The following PRELID2 variants were observed in gnomAD, a reference collection of about 807,000 sequenced individuals.
PRELID2 encodes PRELI domain containing 2.
PRELID2 carries 25 observed loss-of-function variants against 28.4 expected under a neutral mutation model. That is an observed-to-expected ratio of 0.88 (90% CI 0.64 to 1.23). The LOEUF (loss-of-function observed/expected upper bound fraction) is 1.23. Among genes scored for constraint, PRELID2 ranks in the 50% most tolerant of loss-of-function variants. PRELID2 has a pLI of 0.00. For synonymous variants in PRELID2, 76 were observed against 71.6 expected (o/e 1.06, Z -0.31); for missense variants, 201 against 214.4 (o/e 0.94, Z 0.39).
the PRELID2 span, among the ~76,000 whole-genome samples, chr5:145,341,767 T>C: frequency 1.3e-5 from 2 of 150,562 alleles, no homozygotes; most frequent in African/African-American, 4.9e-5. Context: ...GACAACATAA[T>C]GCAACCAAAT....
chr5:145,560,582 A>G (rs1041231167), intron 1 of PRELID2, among the ~76,000 whole-genome samples: 1 of 152,222 alleles, frequency 6.6e-6, no homozygotes, highest in Non-Finnish European at 1.5e-5. Flanking sequence ...TTGCTTCTGC[A>G]AAGTCTGGCA....
the PRELID2 span, chr5:145,437,360 G>A: frequency 6.6e-6 from 1 of 152,166 alleles, no homozygotes; most frequent in South Asian, 2.1e-4. Flanking sequence ...CAATGCTCCA[G>A]TGACTGAAGG....
intron 1 of PRELID2, among the ~76,000 whole-genome samples, chr5:145,589,469 A>AT (rs60927439): frequency 6.6e-6 from 1 of 151,812 alleles, no homozygotes; most frequent in Admixed American, 6.6e-5. Flanking sequence ...GAATATCATC[A>AT]TTTTTTTTCT....
intron 1 of PRELID2, among the ~76,000 whole-genome samples, chr5:145,733,946 T>C (rs1191318767): frequency 6.6e-6 from 1 of 152,034 alleles, no homozygotes; most frequent in African/African-American, 2.4e-5. Context: ...AAAAGAGAAG[T>C]GGAGATCCAG....
chr5:145,258,069 C>T, the PRELID2 span, among the ~76,000 whole-genome samples: 1 of 152,136 alleles, frequency 6.6e-6, no homozygotes, highest in African/African-American at 2.4e-5. Context: ...TCTTTGCCTT[C>T]CATAATTAGA....
At chr5:145,304,380 A>T in the PRELID2 span, among the ~76,000 whole-genome samples, 3 of 152,292 alleles carry the variant, frequency 2.0e-5, no homozygotes, top group African/African-American at 7.2e-5. Flanking sequence ...TTTATTTATA[A>T]TCTCACTTTC....
At chr5:145,460,011 A>G in the PRELID2 span, among the ~76,000 whole-genome samples, 34 of 152,136 alleles carry the variant, frequency 2.2e-4, no homozygotes, top group Non-Finnish European at 4.4e-4. Flanking sequence ...GGGTTTCACC[A>G]TATTGGCCAG....
the PRELID2 span, chr5:145,450,817 G>A: frequency 6.6e-6 from 1 of 152,158 alleles, no homozygotes. Context: ...TACTGAGAAT[G>A]AATTTTGAAA....
At chr5:145,430,424 C>T in the PRELID2 span, among the ~76,000 whole-genome samples, 1 of 152,142 alleles carries the variant, frequency 6.6e-6, no homozygotes, top group Non-Finnish European at 1.5e-5. Context: ...TCTCAGGCTA[C>T]CACACTGAGG....
intron 1 of PRELID2, among the ~76,000 whole-genome samples, chr5:145,476,422 A>T (rs543267759): frequency 1.3e-5 from 2 of 152,204 alleles, no homozygotes; most frequent in Non-Finnish European, 2.9e-5. Context: ...AGGCTGGTGG[A>T]TCACCTAAGT....
chr5:145,744,298 C>A (rs1008325275), intron 1 of PRELID2, among the ~76,000 whole-genome samples: 1 of 152,218 alleles, frequency 6.6e-6, no homozygotes, highest in Non-Finnish European at 1.5e-5. Context: ...GGAATCTGGG[C>A]AGACCAGACG....
intron 1 of PRELID2, among the ~76,000 whole-genome samples, chr5:145,824,060 A>C (rs1189833918): frequency 6.6e-6 from 1 of 152,052 alleles, no homozygotes; most frequent in African/African-American, 2.4e-5. Context: ...CCTACCACCA[A>C]ATCACCTAAG....
the PRELID2 span, among the ~76,000 whole-genome samples, chr5:145,363,105 C>A: frequency 3.6e-5 from 5 of 137,236 alleles, no homozygotes; most frequent in Non-Finnish European, 6.2e-5. Flanking sequence ...AGCCACATAT[C>A]ATGGCTATAA....
the PRELID2 span, among the ~76,000 whole-genome samples, chr5:145,359,255 G>GTT: frequency 1.8e-4 from 28 of 152,178 alleles, no homozygotes; most frequent in Non-Finnish European, 1.5e-5. Flanking sequence ...TCAATACTCT[G>GTT]GATAGTATAT....
chr5:145,650,155 G>GT (rs552274029), intron 1 of PRELID2, among the ~76,000 whole-genome samples: 155 of 151,552 alleles, frequency 1.0e-3, no homozygotes, highest in African/African-American at 3.6e-3. Context: ...AAACTTTAAA[G>GT]TTTTACTAAG....
At chr5:145,272,174 C>T in the PRELID2 span, among the ~76,000 whole-genome samples, 34 of 152,202 alleles carry the variant, frequency 2.2e-4, no homozygotes, top group African/African-American at 7.9e-4. Context: ...ACACACACTC[C>T]ACCTCTGAGC....
intron 1 of PRELID2, among the ~76,000 whole-genome samples, chr5:145,625,860 A>T (rs112892212): frequency 1.2e-3 from 181 of 152,268 alleles, no homozygotes; most frequent in African/African-American, 4.1e-3. Context: ...CTTACCAACA[A>T]CTATTGTTGG....
chr5:145,417,338 A>G, the PRELID2 span, among the ~76,000 whole-genome samples: 109 of 152,302 alleles, frequency 7.2e-4, no homozygotes, highest in African/African-American at 2.5e-3. Context: ...AGCTGTTGCC[A>G]TTTCTACTGA....
At chr5:145,542,100 C>G (rs1473745297) in intron 1 of PRELID2, among the ~76,000 whole-genome samples, 1 of 151,934 alleles carries the variant, frequency 6.6e-6, no homozygotes, top group Non-Finnish European at 1.5e-5. Flanking sequence ...AGTGGTTAAC[C>G]CTGGAAGTAG....
Sources: gnomAD v4.1 joint callset for allele counts (sites outside exome capture counted in the v4.1 genomes callset) on GRCh38, gnomAD v4.1.1 for gene constraint, MANE v1.5 for transcripts, NCBI Gene and HGNC (gene_info 2026-07-23, HGNC 2026-07-21) for gene names.